C6orf89: variants seen among roughly 807,000 people sequenced by gnomAD.
C6orf89 encodes the protein chromosome 6 open reading frame 89, also known as bombesin receptor-activated protein C6orf89.
Under a neutral mutation model 40.7 loss-of-function variants are expected in C6orf89, and 29 were observed. The ratio of observed to expected loss-of-function variants is 0.71; its 90% confidence interval spans 0.53 to 0.97. The LOEUF (loss-of-function observed/expected upper bound fraction) is 0.97, where lower values mean the gene tolerates loss of function less well. Ranked by LOEUF, C6orf89 falls within the 50% of genes least tolerant of loss-of-function variation. The pLI is 0.00. For synonymous variants in C6orf89, 165 were observed against 152.2 expected, an observed-to-expected ratio of 1.08 and a Z score of -0.62; for missense variants, 392 against 429.1, an observed-to-expected ratio of 0.91 and a Z score of 0.76.
In C6orf89 at chr6:36,910,769, C is replaced by T. The variant is rs530045762; in HGVS notation, c.404-3515C>T. ...CTGGTCTCAAACTCCTGGGCTCAAGCGATCCCACCTCAGCCTCCCAAAGTG... is the reference window on the plus strand; with the variant it reads ...CTGGTCTCAAACTCCTGGGCTCAAGTGATCCCACCTCAGCCTCCCAAAGTG... On this transcript the variant is annotated intron_variant, in intron 4 of 8. Coordinates refer to ENST00000480824, the MANE Select transcript of C6orf89 (RefSeq NM_001286635.2). 1.3e-4 allele frequency among the ~76,000 whole-genome samples: 19 copies of T among 151,506 alleles called. 1 individual carries two copies. The highest frequency in any genetic ancestry group is 3.4e-3 in the Middle Eastern group (1 of 294).
intron 4 of C6orf89, among the ~76,000 whole-genome samples, chr6:36,904,076 T>A (rs1761834428): frequency 6.6e-6 from 1 of 152,060 alleles, no homozygotes; most frequent in Non-Finnish European, 1.5e-5. Context: ...CACACCAGTC[T>A]CCTTTCCTGA....
intron 2 of C6orf89, among the ~76,000 whole-genome samples, chr6:36,880,351 C>G (rs1003185603): frequency 6.6e-6 from 1 of 152,178 alleles, no homozygotes; most frequent in African/African-American, 2.4e-5. Flanking sequence ...AGCCAATAAC[C>G]AATTAAGAAA....
At chr6:36,916,046 G>A (rs374777055) in intron 6 of C6orf89, among the ~76,000 whole-genome samples, 13 of 152,098 alleles carry the variant, frequency 8.5e-5, no homozygotes, top group East Asian at 3.8e-4. Flanking sequence ...TTCCCCCTGC[G>A]TCTCCCTGTG....
chr6:36,909,707 G>A (rs970644266), intron 4 of C6orf89, among the ~76,000 whole-genome samples: 9 of 151,544 alleles, frequency 5.9e-5, no homozygotes. Flanking sequence ...ACCTGAGCCC[G>A]GGGAGGTCAA....
intron 3 of C6orf89, among the ~76,000 whole-genome samples, chr6:36,901,340 T>A (rs1761700200): frequency 3.4e-5 from 3 of 88,158 alleles, no homozygotes; most frequent in East Asian, 3.5e-4. Flanking sequence ...TTTTTTTTTT[T>A]TTTTTTTTTT....
At chr6:36,894,982 A>AT (rs1761370377) in intron 2 of C6orf89, among the ~76,000 whole-genome samples, 1 of 152,160 alleles carries the variant, frequency 6.6e-6, no homozygotes, top group East Asian at 1.9e-4. Flanking sequence ...CTCACTAGCA[A>AT]TTGGCAAAGC....
chr6:36,893,510 T>C (rs1319147139), intron 1 of C6orf89, among the ~76,000 whole-genome samples: 1 of 152,234 alleles, frequency 6.6e-6, no homozygotes, highest in East Asian at 1.9e-4. Context: ...GGAAGAAGGA[T>C]GCATGGCTTG....
intron 1 of C6orf89, among the ~76,000 whole-genome samples, chr6:36,893,825 A>G (rs917336280): frequency 1.3e-5 from 2 of 152,286 alleles, no homozygotes; most frequent in African/African-American, 4.8e-5. Flanking sequence ...TTGTCTTGCT[A>G]GAGGGACACT....
chr6:36,871,906 A>G (rs1248666743), exon 1 of C6orf89: 1 of 1,540,210 alleles, frequency 6.5e-7, no homozygotes, highest in Admixed American at 2.3e-5. Context: ...TCCAGTAAAC[A>G]AAAAGGTCAG....
At position 36,902,383 on chromosome 6, in the gene C6orf89, G is replaced by T; in HGVS notation, c.352G>T (p.Glu118Ter). 6.2e-7 allele frequency: 1 copy of T among 1,614,192 alleles called. No homozygotes were observed. Among genetic ancestry groups the T allele is most frequent in the South Asian group, 1.1e-5 (1 of 91,082 alleles). The change falls in exon 4 of 9, where the codon GAA becomes TAA. Residue 118 changes from glutamate to a stop codon, truncating the protein, a stop_gained. Coordinates refer to ENST00000480824, the MANE Select transcript of C6orf89 (RefSeq NM_001286635.2). LOFTEE classifies it high-confidence loss of function. ...GCCCATTGCCAAGAAGTACATGTCA[G>T]AAAATAAGGGAGTTCCTCTGCATGG... ...SLPIAKKYMSENKGVPLHGGD... is the reference protein window; with the variant it reads ...SLPIAKKYMS
At chr6:36,877,422 G>A (rs551272860) in intron 1 of C6orf89, among the ~76,000 whole-genome samples, 1 of 152,022 alleles carries the variant, frequency 6.6e-6, no homozygotes, top group African/African-American at 2.4e-5. Context: ...CCTCCACCTC[G>A]TGGGTTCAAG....
chr6:36,875,259 T>G (rs1414554591), intron 1 of C6orf89, among the ~76,000 whole-genome samples: 1 of 152,198 alleles, frequency 6.6e-6, no homozygotes, highest in Non-Finnish European at 1.5e-5. Context: ...CTTTCTTATC[T>G]CATCTACTCC....
intron 1 of C6orf89, among the ~76,000 whole-genome samples, chr6:36,888,013 A>G (rs1436629100): frequency 6.6e-6 from 1 of 152,140 alleles, no homozygotes; most frequent in Non-Finnish European, 1.5e-5. Flanking sequence ...ATGAACCACC[A>G]TGCTTGACTT....
intron 6 of C6orf89, 27 bp downstream of exon 6, chr6:36,914,720 T>A (rs752029029): frequency 6.2e-7 from 1 of 1,608,070 alleles, no homozygotes; most frequent in South Asian, 1.1e-5. Flanking sequence ...CCGGGCACAG[T>A]GGCTCATGCC....
chr6:36,902,030 G>T (rs942399268), intron 3 of C6orf89, among the ~76,000 whole-genome samples, 191 bp from the exon 4 acceptor site: 1 of 152,180 alleles, frequency 6.6e-6, no homozygotes, highest in Non-Finnish European at 1.5e-5. Context: ...AGCTTGGTGA[G>T]CCTTGCAGTC....
intron 1 of C6orf89, among the ~76,000 whole-genome samples, chr6:36,887,254 T>A (rs867940201): frequency 2.0e-5 from 3 of 152,268 alleles, no homozygotes; most frequent in South Asian, 4.1e-4. Flanking sequence ...TCTGCATTTT[T>A]AAAAATGAAT....
chr6:36,924,239 C>CG lies in C6orf89; in HGVS notation c.*798_*799insG. ...CCAGAGCCCACTACTGCTGAGGCAG[C>CG]ACTGCTCTCGTCAGCTGTGTTGCCT... On this transcript the variant is annotated 3_prime_UTR_variant, in exon 9 of 9. Coordinates refer to ENST00000480824, the MANE Select transcript of C6orf89 (RefSeq NM_001286635.2). The CG allele has an allele frequency of 6.5e-6, 1 of 153,838 alleles. No homozygotes were observed. The highest frequency in any genetic ancestry group is 6.4e-5 in the Admixed American group (1 of 15,596). The allele number at this position is 153,838 out of a possible 1,614,324, so 9.5% of individuals were successfully genotyped here. A position where few individuals can be genotyped will look rare whatever the true frequency, so the allele number is the denominator to read the frequency against.
intron 1 of C6orf89, among the ~76,000 whole-genome samples, chr6:36,893,602 C>T (rs189292777): frequency 7.2e-5 from 11 of 152,244 alleles, no homozygotes; most frequent in Admixed American, 3.3e-4. Context: ...GTGTGTGATA[C>T]AAACTGGGAG....
chr6:36,924,135 T>C lies in C6orf89; in HGVS notation c.*694T>C, dbSNP rs1030215540. On this transcript the variant is annotated 3_prime_UTR_variant, in exon 9 of 9. Transcript: ENST00000480824. ...TTTCATCAGGTTCTTTTATCCCCAC[T>C]GCACCCCCTCCCCTTCTCCCTTGCC... is the stretch of plus-strand genomic sequence containing the variant. 3 of 155,938 alleles carry C rather than the reference T, an allele frequency of 1.9e-5. No homozygotes were observed. The highest frequency in any genetic ancestry group is 4.3e-5 in the Non-Finnish European group (3 of 70,254). 9.7% of individuals were successfully genotyped at this position (155,938 alleles called of 1,614,324 possible). A position where few individuals can be genotyped will look rare whatever the true frequency, so the allele number is the denominator to read the frequency against.
Sources: gnomAD v4.1 joint callset for allele counts (sites outside exome capture counted in the v4.1 genomes callset) on GRCh38, gnomAD v4.1.1 for gene constraint, MANE v1.5 for transcripts, NCBI Gene and HGNC (gene_info 2026-07-23, HGNC 2026-07-21) for gene names.